Variants in DLG2 observed in about 807,000 individuals in gnomAD.
The protein encoded by DLG2 is discs large MAGUK scaffold protein 2.
DLG2 carries 45 observed loss-of-function variants against 132.5 expected under a neutral mutation model. The ratio of observed to expected loss-of-function variants is 0.34; its 90% CI spans 0.27 to 0.44. The LOEUF is 0.44. Ranked by LOEUF, DLG2 falls within the 20% of genes least tolerant of loss-of-function variation. The probability of loss-of-function intolerance (pLI) is 1.00; values close to 1 mark genes in which losing one functional copy is unlikely to be tolerated. For missense variants in DLG2, 1,045 were observed against 1,196.9 expected (o/e 0.87, Z 1.87); for synonymous variants, 424 against 419.6 (o/e 1.01, Z -0.13).
intron 6 of DLG2, among the ~76,000 whole-genome samples, chr11:85,013,208 C>A (rs1045050992): frequency 5.3e-5 from 8 of 152,092 alleles, no homozygotes; most frequent in African/African-American, 1.9e-4. Flanking sequence ...AGTATAGTAG[C>A]CTTTGTGACT....
intron 11 of DLG2, among the ~76,000 whole-genome samples, chr11:84,012,785 C>G (rs1367235007): frequency 6.6e-6 from 1 of 151,940 alleles, no homozygotes; most frequent in Non-Finnish European, 1.5e-5. Context: ...ATTTAATAGT[C>G]AAAGAATCTT....
chr11:84,636,787 T>TC (rs200000229), intron 6 of DLG2, among the ~76,000 whole-genome samples: 14,983 of 147,254 alleles, frequency 0.1, 912 homozygotes, highest in South Asian at 0.24. Flanking sequence ...GATGCACATT[T>TC]TTTTTTTTTT....
chr11:83,887,155 C>T (rs1263326836), intron 15 of DLG2, among the ~76,000 whole-genome samples: 1 of 151,938 alleles, frequency 6.6e-6, no homozygotes, highest in East Asian at 1.9e-4. Context: ...TTAATGAATC[C>T]AGGAGTTGGT....
chr11:84,539,673 A>G (rs769014179), intron 6 of DLG2, among the ~76,000 whole-genome samples: 7 of 152,128 alleles, frequency 4.6e-5, no homozygotes, highest in Non-Finnish European at 8.8e-5. Flanking sequence ...TTTTCACGAT[A>G]TTGATTCTTC....
chr11:83,831,439 A>G (rs935383793), intron 17 of DLG2, among the ~76,000 whole-genome samples: 6 of 152,088 alleles, frequency 3.9e-5, no homozygotes, highest in Admixed American at 2.6e-4. Flanking sequence ...CACATACGAC[A>G]AGGCTATTCA....
chr11:83,941,759 C>A (rs977507120), intron 14 of DLG2, among the ~76,000 whole-genome samples: 1 of 152,136 alleles, frequency 6.6e-6, no homozygotes, highest in Non-Finnish European at 1.5e-5. Flanking sequence ...TAAGATGTCT[C>A]TATTTATATC....
At chr11:84,969,621 A>C (rs1406358208) in intron 6 of DLG2, among the ~76,000 whole-genome samples, 1 of 152,164 alleles carries the variant, frequency 6.6e-6, no homozygotes, top group African/African-American at 2.4e-5. Flanking sequence ...TCTTTGAGAG[A>C]CTAGAAAAAT....
chr11:85,231,899 A>T (rs993443365), intron 4 of DLG2, among the ~76,000 whole-genome samples: 5 of 151,888 alleles, frequency 3.3e-5, no homozygotes, highest in African/African-American at 1.2e-4. Flanking sequence ...GTAGCTCACA[A>T]ATATTTAGTT....
At chr11:83,759,387 AGGGAACAGCCGTTCAGAT>A (rs1482797828) in intron 18 of DLG2, among the ~76,000 whole-genome samples, 2 of 152,228 alleles carry the variant, frequency 1.3e-5, no homozygotes, top group Non-Finnish European at 2.9e-5. Flanking sequence ...GTGAATAGCA[AGGGAACAGCCGTTCAGAT>A]GGGGGGCATC....
chr11:85,348,988 C>T (rs1403675541), intron 3 of DLG2, among the ~76,000 whole-genome samples: 2 of 152,098 alleles, frequency 1.3e-5, no homozygotes, highest in Non-Finnish European at 2.9e-5. Context: ...ATTCTAAGCC[C>T]CCAACCAACT....
chr11:85,217,282 C>T (rs1413455869), intron 4 of DLG2, among the ~76,000 whole-genome samples: 3 of 150,026 alleles, frequency 2.0e-5, no homozygotes, highest in Admixed American at 6.7e-5. Context: ...ATGGATATAC[C>T]GCAGATCCCA....
chr11:85,309,608 G>C (rs1457746725), intron 3 of DLG2, among the ~76,000 whole-genome samples: 1 of 152,036 alleles, frequency 6.6e-6, no homozygotes, highest in East Asian at 1.9e-4. Flanking sequence ...GCCCTTCATA[G>C]CCTGCTTATG....
chr11:84,911,948 T>A (rs2154077873), intron 6 of DLG2, among the ~76,000 whole-genome samples: 1 of 152,242 alleles, frequency 6.6e-6, no homozygotes, highest in Admixed American at 6.5e-5. Flanking sequence ...TTTTTTCATC[T>A]CCTCAACTGT....
At chr11:84,927,935 T>A (rs1285621975) in intron 6 of DLG2, among the ~76,000 whole-genome samples, 1 of 151,940 alleles carries the variant, frequency 6.6e-6, no homozygotes. Flanking sequence ...GTGGCTCAGG[T>A]ATCTGTGTTA....
chr11:85,060,394 TATAC>T (rs1446505248), intron 6 of DLG2, among the ~76,000 whole-genome samples: 1 of 150,560 alleles, frequency 6.6e-6, no homozygotes, highest in Non-Finnish European at 1.5e-5. Context: ...AGATGTTATA[TATAC>T]ATAACATTAT....
chr11:85,166,650 A>C (rs2152485196), intron 4 of DLG2, among the ~76,000 whole-genome samples: 1 of 152,300 alleles, frequency 6.6e-6, no homozygotes, highest in Admixed American at 6.5e-5. Context: ...AATATAAAAA[A>C]AAAGGAAAAA....
intron 10 of DLG2, among the ~76,000 whole-genome samples, chr11:84,076,528 A>C (rs980245700): frequency 6.6e-6 from 1 of 152,242 alleles, no homozygotes; most frequent in Non-Finnish European, 1.5e-5. Context: ...TTCACACAGC[A>C]GATAACAGAA....
chr11:83,585,593 C>A (rs1447055097), intron 19 of DLG2, among the ~76,000 whole-genome samples: 1 of 152,140 alleles, frequency 6.6e-6, no homozygotes, highest in Non-Finnish European at 1.5e-5. Context: ...GGATGAATAA[C>A]TAAAACTTGG....
intron 6 of DLG2, among the ~76,000 whole-genome samples, chr11:84,750,228 T>G (rs534916430): frequency 6.6e-6 from 1 of 152,286 alleles, no homozygotes; most frequent in East Asian, 1.9e-4. Flanking sequence ...TAGGTAAATG[T>G]GTGCCATGGT....
Sources: gnomAD v4.1 joint callset for allele counts (sites outside exome capture counted in the v4.1 genomes callset) on GRCh38, gnomAD v4.1.1 for gene constraint, MANE v1.5 for transcripts, NCBI Gene and HGNC (gene_info 2026-07-23, HGNC 2026-07-21) for gene names.